The following XIRP2 variants were observed in gnomAD, a reference collection of about 807,000 sequenced individuals.
XIRP2 encodes xin actin-binding repeat-containing protein 2.
Under a neutral mutation model 277.0 loss-of-function variants are expected in XIRP2, and 236 were observed. The observed-to-expected ratio is 0.85, with a 90% CI of 0.77 to 0.95. XIRP2 has a LOEUF of 0.95. XIRP2 is among the 40% of genes least tolerant of loss of function. XIRP2 has a pLI of 0.00. For missense variants in XIRP2, 4,640 were observed against 4,157.5 expected (o/e 1.12, Z -3.19); for synonymous variants, 1,490 against 1,416.5 (o/e 1.05, Z -1.17).
At chr2:167,034,923 G>A (rs1688470280) in intron 2 of XIRP2, among the ~76,000 whole-genome samples, 1 of 152,150 alleles carries the variant, frequency 6.6e-6, no homozygotes, top group Non-Finnish European at 1.5e-5. Flanking sequence ...TCAATCATAG[G>A]AGCCAGTCTT....
At chr2:166,920,312 G>A (rs1355619497) in intron 2 of XIRP2, among the ~76,000 whole-genome samples, 5 of 152,092 alleles carry the variant, frequency 3.3e-5, no homozygotes, top group African/African-American at 4.8e-5. Context: ...ATAGAGCAGG[G>A]ATTGGAATTC....
intron 2 of XIRP2, among the ~76,000 whole-genome samples, chr2:167,001,750 G>A (rs1687380979): frequency 6.6e-6 from 1 of 151,938 alleles, no homozygotes; most frequent in Non-Finnish European, 1.5e-5. Context: ...TACTTACTTG[G>A]CTTTGATTTA....
intron 3 of XIRP2, among the ~76,000 whole-genome samples, chr2:167,149,511 T>C (rs1484096554): frequency 1.3e-5 from 2 of 152,154 alleles, no homozygotes; most frequent in Non-Finnish European, 2.9e-5. Context: ...TATGTGGCAA[T>C]TCAGGTCAGT....
chr2:167,022,239 G>A (rs185790443), intron 2 of XIRP2, among the ~76,000 whole-genome samples: 2 of 152,072 alleles, frequency 1.3e-5, no homozygotes, highest in Admixed American at 6.6e-5. Flanking sequence ...CTAAGACAAC[G>A]TCTATACCTG....
Position 167,258,303 on chromosome 2 carries a change from C to T in XIRP2, c.*486C>T, listed in dbSNP as rs1695722449. The T allele has an allele frequency of 6.2e-7, 1 of 1,613,176 alleles. No homozygotes were observed. Among genetic ancestry groups the T allele is most frequent in the Admixed American group, 1.7e-5 (1 of 59,872 alleles). On this transcript the variant is annotated 3_prime_UTR_variant, in exon 11 of 11. Transcript: ENST00000409195. ...GAATCTCTGCTAGAAGATGTTAGAA[C>T]TCCAGAAAATAAAGGACAAAGACAA...
At chr2:167,255,496 G>A (rs935706551) in intron 10 of XIRP2, among the ~76,000 whole-genome samples, 1 of 151,542 alleles carries the variant, frequency 6.6e-6, no homozygotes, top group African/African-American at 2.4e-5. Context: ...TGCAATTTCT[G>A]CCCCATAAAT....
chr2:166,926,698 G>A (rs1003812379), intron 2 of XIRP2, among the ~76,000 whole-genome samples: 6 of 152,086 alleles, frequency 3.9e-5, no homozygotes, highest in Non-Finnish European at 8.8e-5. Context: ...TGACATGAGT[G>A]TTCTTGAATG....
chr2:167,204,985 T>G (rs924617493), intron 3 of XIRP2, among the ~76,000 whole-genome samples: 1 of 152,166 alleles, frequency 6.6e-6, no homozygotes, highest in Non-Finnish European at 1.5e-5. Context: ...CTCAAAATCT[T>G]TACCCAATTT....
chr2:167,115,370 C>T (rs1299322783), intron 2 of XIRP2, among the ~76,000 whole-genome samples: 3 of 152,106 alleles, frequency 2.0e-5, no homozygotes, highest in African/African-American at 7.2e-5. Flanking sequence ...CATTTCAACC[C>T]ATTTAAGAAT....
At chr2:166,984,660 T>C (rs2105437717) in intron 2 of XIRP2, among the ~76,000 whole-genome samples, 1 of 152,298 alleles carries the variant, frequency 6.6e-6, no homozygotes, top group South Asian at 2.1e-4. Flanking sequence ...CGGAAGGTAC[T>C]AAGGATGATA....
intron 3 of XIRP2, among the ~76,000 whole-genome samples, chr2:167,185,121 A>G (rs1309418551): frequency 6.6e-6 from 1 of 152,150 alleles, no homozygotes; most frequent in Non-Finnish European, 1.5e-5. Context: ...CTAGGTCCTG[A>G]TGTTTTCATT....
intron 2 of XIRP2, among the ~76,000 whole-genome samples, chr2:167,123,591 T>C (rs980070616): frequency 6.6e-6 from 1 of 152,116 alleles, no homozygotes; most frequent in African/African-American, 2.4e-5. Context: ...CTGAGAGCCA[T>C]AAGTGAAGAA....
intron 2 of XIRP2, among the ~76,000 whole-genome samples, chr2:166,950,106 C>G (rs1685988380): frequency 6.6e-6 from 1 of 151,908 alleles, no homozygotes; most frequent in South Asian, 2.1e-4. Context: ...AATGCGATGG[C>G]TAGCAGTCCC....
chr2:167,246,325 A>G lies in XIRP2; in HGVS notation c.4933A>G (p.Thr1645Ala). 1 of 1,612,976 alleles carries G rather than the reference A, an allele frequency of 6.2e-7. No homozygotes were observed. Among genetic ancestry groups the G allele is most frequent in the Non-Finnish European group, 8.5e-7 (1 of 1,179,630 alleles). Residue 1645 changes from threonine (T) to alanine (A), a missense_variant, in exon 9 of 11, where the codon ACT becomes GCT. Coordinates refer to ENST00000409195, the MANE Select transcript of XIRP2 (RefSeq NM_152381.6). Reference sequence around the variant, plus strand: ...TAAAACTCAATTATTAAACAGATCAACTGAATTTCATGCTGAAAAAGAAGA... The same window carrying G: ...TAAAACTCAATTATTAAACAGATCAGCTGAATTTCATGCTGAAAAAGAAGA... ...LTKTQLLNRS[T>A]EFHAEKEEIV...
At chr2:167,163,921 T>C (rs1224008250) in intron 3 of XIRP2, among the ~76,000 whole-genome samples, 1 of 152,238 alleles carries the variant, frequency 6.6e-6, no homozygotes, top group Non-Finnish European at 1.5e-5. Context: ...TCTTAAAGAA[T>C]TGCTTTGGTG....
chr2:167,026,670 C>T (rs969141563), intron 2 of XIRP2, among the ~76,000 whole-genome samples: 3 of 152,204 alleles, frequency 2.0e-5, no homozygotes, highest in African/African-American at 7.2e-5. Flanking sequence ...AATCTCTCAG[C>T]ATTTGCTTGT....
chr2:167,171,528 T>A (rs1353601647), intron 3 of XIRP2, among the ~76,000 whole-genome samples: 1 of 152,316 alleles, frequency 6.6e-6, no homozygotes, highest in East Asian at 1.9e-4. Flanking sequence ...TTGAGAAGAA[T>A]ATGCATTCTG....
At chr2:167,045,269 T>G (rs1688758975) in intron 2 of XIRP2, among the ~76,000 whole-genome samples, 1 of 151,898 alleles carries the variant, frequency 6.6e-6, no homozygotes, top group Non-Finnish European at 1.5e-5. Flanking sequence ...ACTTAAAGAC[T>G]TAAGCATAAA....
chr2:167,224,400 AT>A (rs1363663702), intron 5 of XIRP2, among the ~76,000 whole-genome samples: 1 of 151,522 alleles, frequency 6.6e-6, no homozygotes, highest in African/African-American at 2.4e-5. Flanking sequence ...CGCCCAGCTA[AT>A]TTTTGTTTTT....
Sources: allele counts gnomAD v4.1 joint callset (sites outside exome capture counted in the v4.1 genomes callset), GRCh38; gene constraint gnomAD v4.1.1; transcripts MANE v1.5; gene names NCBI Gene and HGNC (gene_info 2026-07-23, HGNC 2026-07-21).